MALRD1: variants seen among roughly 807,000 people sequenced by gnomAD.
The protein encoded by MALRD1 is MAM and LDL-receptor class A domain-containing protein 1.
Under a neutral mutation model 242.1 loss-of-function variants are expected in MALRD1, and 247 were observed. That is an observed-to-expected ratio of 1.02 (90% CI 0.92 to 1.13). MALRD1 has a LOEUF of 1.13. Ranked by LOEUF, MALRD1 falls within the 50% of genes most tolerant of loss-of-function variation. The probability of loss-of-function intolerance (pLI) is 0.00; values close to 1 mark genes in which losing one functional copy is unlikely to be tolerated. For missense variants in MALRD1, 2,989 were observed against 2,533.1 expected (o/e 1.18, Z -3.86); for synonymous variants, 995 against 866.6 (o/e 1.15, Z -2.60).
intron 28 of MALRD1, among the ~76,000 whole-genome samples, chr10:19,425,370 C>T (rs1334876282): frequency 1.3e-5 from 2 of 152,126 alleles, no homozygotes; most frequent in African/African-American, 4.8e-5. Flanking sequence ...AAAATGGTCT[C>T]CAGTGACTAT....
At chr10:19,097,341 G>A (rs1588538165) in intron 4 of MALRD1, among the ~76,000 whole-genome samples, 1 of 151,922 alleles carries the variant, frequency 6.6e-6, no homozygotes, top group South Asian at 2.1e-4. Context: ...AATACATAGC[G>A]GAAAAAAAAG....
At chr10:19,590,188 G>A (rs1837690792) in intron 33 of MALRD1, among the ~76,000 whole-genome samples, 1 of 151,288 alleles carries the variant, frequency 6.6e-6, no homozygotes, top group Non-Finnish European at 1.5e-5. Context: ...GAAATTTTAA[G>A]AGAAAATCAT....
chr10:19,668,027 G>T (rs1841752561), intron 36 of MALRD1, among the ~76,000 whole-genome samples: 1 of 151,988 alleles, frequency 6.6e-6, no homozygotes, highest in Non-Finnish European at 1.5e-5. Context: ...TCTTTTACAA[G>T]GGCATTAATC....
chr10:19,504,329 A>T (rs979036743), intron 31 of MALRD1, among the ~76,000 whole-genome samples: 1 of 152,170 alleles, frequency 6.6e-6, no homozygotes, highest in Non-Finnish European at 1.5e-5. Context: ...CCTTATAAAC[A>T]GCTCTGCCTG....
chr10:19,595,561 A>G lies in MALRD1; in HGVS notation c.5944+104A>G, dbSNP rs1385613327. ...TGAAGTTCTCTAGAGCCTTACCGTG[A>G]TTGTATCATTAATAACACAGCTTTC... On this transcript the variant is annotated intron_variant, in intron 34 of 39. Transcript: ENST00000454679. The G allele has an allele frequency of 1.4e-5, 18 of 1,260,312 alleles. No homozygotes were observed. In the East Asian group the frequency reaches 3.8e-4, roughly 27 times the overall value. The allele number at this position is 1,260,312 out of a possible 1,614,324, so 78.1% of individuals were successfully genotyped here. A position where few individuals can be genotyped will look rare whatever the true frequency, so the allele number is the denominator to read the frequency against.
At chr10:19,394,023 A>G (rs1339791727) in intron 28 of MALRD1, among the ~76,000 whole-genome samples, 2 of 152,158 alleles carry the variant, frequency 1.3e-5, no homozygotes, top group East Asian at 1.9e-4. Context: ...AGATTACTGC[A>G]TGCTTTAGGG....
At chr10:19,132,350 G>A (rs1370225634) in intron 8 of MALRD1, among the ~76,000 whole-genome samples, 6 of 152,106 alleles carry the variant, frequency 3.9e-5, no homozygotes, top group African/African-American at 1.4e-4. Flanking sequence ...ATCCTGATCC[G>A]CCATGAAAGC....
chr10:19,485,646 T>TAA (rs3045358), intron 29 of MALRD1, among the ~76,000 whole-genome samples: 65,086 of 145,168 alleles, frequency 0.45, 14,582 homozygotes, highest in East Asian at 0.55. Context: ...CCGTCTCAAT[T>TAA]AAAAAAAAAA....
At chr10:19,110,494 G>C (rs1413379169) in intron 5 of MALRD1, among the ~76,000 whole-genome samples, 2 of 152,180 alleles carry the variant, frequency 1.3e-5, no homozygotes, top group Non-Finnish European at 2.9e-5. Context: ...CTCAAACCTA[G>C]AAGTAAATAA....
At chr10:19,471,205 T>C (rs757505970) in intron 29 of MALRD1, among the ~76,000 whole-genome samples, 2 of 151,912 alleles carry the variant, frequency 1.3e-5, no homozygotes, top group African/African-American at 2.4e-5. Flanking sequence ...TTTCATTATG[T>C]ATTCTTGGCA....
intron 19 of MALRD1, among the ~76,000 whole-genome samples, chr10:19,269,247 T>A (rs537568523): frequency 1.3e-5 from 2 of 152,282 alleles, no homozygotes; most frequent in South Asian, 4.1e-4. Flanking sequence ...AGTGGGGCCT[T>A]TGAGAGGTAA....
chr10:19,421,811 G>T lies in MALRD1; in HGVS notation c.4846-28496G>T, dbSNP rs543917311. On this transcript the variant is annotated intron_variant, in intron 28 of 39. Coordinates refer to ENST00000454679, the MANE Select transcript of MALRD1 (RefSeq NM_001142308.3). ...GATTGCTATTGCCTTTTTTCCCCTG[G>T]CCAGTAAAGGGTTAAACCCTCTACT... 1.8e-4 allele frequency among the ~76,000 whole-genome samples: 27 copies of T among 152,068 alleles called. 1 individual carries two copies. In the South Asian group the frequency reaches 5.4e-3, roughly 30 times the overall value.
intron 18 of MALRD1, among the ~76,000 whole-genome samples, chr10:19,229,517 G>A (rs1837958019): frequency 6.6e-6 from 1 of 152,114 alleles, no homozygotes; most frequent in Admixed American, 6.5e-5. Flanking sequence ...TAGAACCATG[G>A]CCTTAATCAT....
intron 36 of MALRD1, among the ~76,000 whole-genome samples, chr10:19,643,798 C>G (rs115691687): frequency 6.6e-6 from 1 of 152,156 alleles, no homozygotes; most frequent in Admixed American, 6.5e-5. Flanking sequence ...CTCCCATACT[C>G]GGTGCCTGGA....
intron 28 of MALRD1, among the ~76,000 whole-genome samples, chr10:19,406,838 A>C (rs1342320260): frequency 6.6e-6 from 1 of 152,228 alleles, no homozygotes; most frequent in Non-Finnish European, 1.5e-5. Context: ...TTAGCTCTTT[A>C]GTGAGAAAAA....
chr10:19,325,217 G>A lies in MALRD1; in HGVS notation c.3576+1112G>A, dbSNP rs556395370. The stretch of plus-strand genomic sequence containing the variant: ...TTAGTCAATGTATTATAATCTATTA[G>A]TATTATTATTTATTTGCTCCTCAAA... On this transcript the variant is annotated intron_variant, in intron 22 of 39. Transcript: ENST00000454679. Among the ~76,000 whole-genome samples, 23 of 151,638 alleles carry A rather than the reference G, an allele frequency of 1.5e-4. No homozygotes were observed. In the South Asian group the frequency reaches 4.8e-3, roughly 31 times the overall value.
chr10:19,338,496 G>A (rs1032650355), intron 24 of MALRD1, among the ~76,000 whole-genome samples: 4 of 146,106 alleles, frequency 2.7e-5, no homozygotes, highest in Admixed American at 1.3e-4. Flanking sequence ...AAAGCTGGAT[G>A]TCTCAGACTT....
At chr10:19,155,903 C>T (rs914209393) in intron 12 of MALRD1, among the ~76,000 whole-genome samples, 1 of 152,040 alleles carries the variant, frequency 6.6e-6, no homozygotes, top group Non-Finnish European at 1.5e-5. Flanking sequence ...TATATATGTA[C>T]CAAATATAAT....
chr10:19,515,407 A>G (rs1334428977), intron 31 of MALRD1, among the ~76,000 whole-genome samples: 1 of 152,170 alleles, frequency 6.6e-6, no homozygotes, highest in Non-Finnish European at 1.5e-5. Flanking sequence ...CATGTGTACT[A>G]ACAGTTTAAA....
Sources: gnomAD v4.1 joint callset for allele counts (sites outside exome capture counted in the v4.1 genomes callset) on GRCh38, gnomAD v4.1.1 for gene constraint, MANE v1.5 for transcripts, NCBI Gene and HGNC (gene_info 2026-07-23, HGNC 2026-07-21) for gene names.